NRXN3: variants seen among roughly 807,000 people sequenced by gnomAD.
NRXN3 encodes neurexin III.
NRXN3 carries 32 observed loss-of-function variants against 137.6 expected under a neutral mutation model. That is an observed-to-expected ratio of 0.23 (90% CI 0.18 to 0.31). The LOEUF (loss-of-function observed/expected upper bound fraction) is 0.31. NRXN3 is among the 10% of genes least tolerant of loss of function. The pLI, the probability that NRXN3 is intolerant of heterozygous loss-of-function variation, is 1.00. For synonymous variants in NRXN3, 798 were observed against 784.5 expected (o/e 1.02, Z -0.29); for missense variants, 1,574 against 2,062.5 (o/e 0.76, Z 4.59).
At chr14:79,845,653 G>A (rs866482670) in intron 20 of NRXN3, among the ~76,000 whole-genome samples, 1 of 116,452 alleles carries the variant, frequency 8.6e-6, no homozygotes, top group Non-Finnish European at 1.7e-5. Flanking sequence ...GGAGAGAGAC[G>A]GAGACGGGGA....
At chr14:79,213,690 T>A (rs1408966317) in intron 15 of NRXN3, among the ~76,000 whole-genome samples, 1 of 151,756 alleles carries the variant, frequency 6.6e-6, no homozygotes, top group Non-Finnish European at 1.5e-5. Context: ...AAAACGAGGA[T>A]TTATTTGCCT....
intron 15 of NRXN3, among the ~76,000 whole-genome samples, chr14:79,325,396 C>T (rs1225057096): frequency 6.6e-6 from 1 of 152,216 alleles, no homozygotes; most frequent in Non-Finnish European, 1.5e-5. Flanking sequence ...CCACTTTACT[C>T]TTGCTGGAGG....
rs1018044176 is a variant in NRXN3, at chr14:79,156,160, A to G, written c.3262+168019A>G. ...CCCAGAAGAAGTGCTTTACACGGAT[A>G]CTCTACTTCAACCCTCACAACTGCT... On this transcript the variant is annotated intron_variant, in intron 15 of 20. Coordinates refer to ENST00000335750, the MANE Select transcript of NRXN3 (RefSeq NM_001330195.2). Among the ~76,000 whole-genome samples, 5 of 151,764 alleles carry G rather than the reference A, an allele frequency of 3.3e-5. No individual in the cohort carries two copies. The South Asian group carries it at 1.0e-3, about 31-fold the overall frequency.
intron 16 of NRXN3, among the ~76,000 whole-genome samples, chr14:79,494,696 C>T (rs1220876026): frequency 6.6e-6 from 1 of 152,104 alleles, no homozygotes; most frequent in Non-Finnish European, 1.5e-5. Context: ...TTTAGATTTG[C>T]AGAAAAGTTG....
Position 78,549,269 on chromosome 14 carries a change from G to A in NRXN3, c.758-95851G>A, listed in dbSNP as rs1022849687. ...GGACCATGTTTTGCACCTAGTAAAT[G>A]AGTCTTCGTTTATCCAAACTATTTT... On this transcript the variant is annotated intron_variant, in intron 4 of 20. Transcript: ENST00000335750. Among the ~76,000 whole-genome samples the A allele has an allele frequency of 2.0e-5, 3 of 152,210 alleles. No homozygotes were observed. The East Asian group carries it at 5.8e-4, about 29-fold the overall frequency.
chr14:79,284,654 G>T (rs924453301), intron 15 of NRXN3, among the ~76,000 whole-genome samples: 1 of 151,984 alleles, frequency 6.6e-6, no homozygotes, highest in African/African-American at 2.4e-5. Flanking sequence ...GAGTATAAAA[G>T]TCCTATTCAA....
At chr14:79,684,533 T>C (rs61995223) in intron 17 of NRXN3, among the ~76,000 whole-genome samples, 9,442 of 152,180 alleles carry the variant, frequency 0.062, 341 homozygotes, top group South Asian at 0.098. Flanking sequence ...ATAGGATGTA[T>C]ACAGAAGGAT....
At chr14:78,846,385 A>G (rs1190962520) in intron 10 of NRXN3, among the ~76,000 whole-genome samples, 1 of 152,084 alleles carries the variant, frequency 6.6e-6, no homozygotes, top group African/African-American at 2.4e-5. Flanking sequence ...AAAGCTATAC[A>G]ATGTAGTGGA....
At chr14:78,695,548 A>G (rs186332804) in intron 6 of NRXN3, 3 of 152,204 alleles carry the variant, frequency 2.0e-5, no homozygotes, top group Admixed American at 1.3e-4. Context: ...GTATATGGCA[A>G]CATTCCCAAC....
intron 15 of NRXN3, among the ~76,000 whole-genome samples, chr14:79,207,539 A>G (rs1490090089): frequency 6.6e-6 from 1 of 152,160 alleles, no homozygotes; most frequent in African/African-American, 2.4e-5. Flanking sequence ...AGGGGCAGTG[A>G]GGAAGTGGAG....
intron 20 of NRXN3, among the ~76,000 whole-genome samples, chr14:79,817,661 G>A (rs1347536361): frequency 1.3e-5 from 2 of 152,124 alleles, no homozygotes; most frequent in African/African-American, 4.8e-5. Context: ...AATGGGATCT[G>A]AACCCAAGCC....
At chr14:79,619,105 TG>T (rs1420379292) in intron 16 of NRXN3, among the ~76,000 whole-genome samples, 3 of 152,022 alleles carry the variant, frequency 2.0e-5, no homozygotes, top group Non-Finnish European at 4.4e-5. Context: ...AGATATTAGG[TG>T]TATTTTAAAT....
chr14:79,149,619 A>G (rs911045286), intron 15 of NRXN3, among the ~76,000 whole-genome samples: 9 of 152,148 alleles, frequency 5.9e-5, no homozygotes, highest in Non-Finnish European at 1.3e-4. Context: ...ATGCCCATCA[A>G]TGATAGACTG....
At chr14:78,295,751 T>C (rs2076250090) in intron 3 of NRXN3, among the ~76,000 whole-genome samples, 1 of 152,140 alleles carries the variant, frequency 6.6e-6, no homozygotes, top group African/African-American at 2.4e-5. Flanking sequence ...AGGTGGCCGA[T>C]GTAGATTGTC....
intron 15 of NRXN3, among the ~76,000 whole-genome samples, chr14:79,056,539 G>A (rs1288899047): frequency 6.6e-6 from 1 of 152,128 alleles, no homozygotes; most frequent in African/African-American, 2.4e-5. Flanking sequence ...ATCCTGTCCG[G>A]GGTTCAGAGG....
chr14:79,790,800 T>C (rs1029085833), intron 19 of NRXN3, among the ~76,000 whole-genome samples: 1 of 151,966 alleles, frequency 6.6e-6, no homozygotes, highest in Non-Finnish European at 1.5e-5. Context: ...TTTGTGTTTT[T>C]AGTAGAGGCA....
chr14:78,222,290 A>G (rs944265162), intron 1 of NRXN3, among the ~76,000 whole-genome samples: 3 of 152,068 alleles, frequency 2.0e-5, no homozygotes, highest in African/African-American at 7.2e-5. Flanking sequence ...CTGCTGGAGC[A>G]GGGAGGTCCT....
At chr14:78,283,357 G>A (rs2074685996) in intron 3 of NRXN3, 1 of 152,080 alleles carries the variant, frequency 6.6e-6, no homozygotes, top group Non-Finnish European at 1.5e-5. Flanking sequence ...AGCTAAGAAT[G>A]GGTTTTACAT....
intron 15 of NRXN3, among the ~76,000 whole-genome samples, chr14:79,263,405 T>C (rs1026742246): frequency 3.9e-5 from 6 of 152,186 alleles, no homozygotes; most frequent in African/African-American, 1.4e-4. Flanking sequence ...GGTGAAATGA[T>C]AAAATCCGGG....
Sources: gnomAD v4.1 joint callset for allele counts (sites outside exome capture counted in the v4.1 genomes callset) on GRCh38, gnomAD v4.1.1 for gene constraint, MANE v1.5 for transcripts, NCBI Gene and HGNC (gene_info 2026-07-23, HGNC 2026-07-21) for gene names.